The following ARMC9 variants were observed in gnomAD, a reference collection of about 807,000 sequenced individuals.
ARMC9 encodes the protein lisH domain-containing protein ARMC9.
ARMC9 carries 94 observed loss-of-function variants against 107.0 expected under a neutral mutation model. The observed-to-expected ratio is 0.88, with a 90% CI of 0.74 to 1.04. The LOEUF is 1.04. Among genes scored for constraint, ARMC9 ranks in the 50% least tolerant of loss-of-function variants. The pLI, the probability that ARMC9 is intolerant of heterozygous loss-of-function variation, is 0.00. For synonymous variants in ARMC9, 380 were observed against 396.9 expected, an observed-to-expected ratio of 0.96 and a Z score of 0.51; for missense variants, 942 against 1,030.1, an observed-to-expected ratio of 0.91 and a Z score of 1.17.
chr2:231,317,714 C>G (rs2042780753), intron 19 of ARMC9, among the ~76,000 whole-genome samples: 1 of 152,056 alleles, frequency 6.6e-6, no homozygotes, highest in Admixed American at 6.6e-5. Context: ...GAGCTGGATA[C>G]TTTCTGTTGA....
intron 13 of ARMC9, among the ~76,000 whole-genome samples, chr2:231,271,667 T>C (rs2039339180): frequency 6.6e-6 from 1 of 152,232 alleles, no homozygotes; most frequent in Admixed American, 6.5e-5. Context: ...CAAAACTTTG[T>C]TCATTTGTTC....
rs763206451 is a variant in ARMC9 at position 231,282,148 on chromosome 2, C to T, written c.1626+15C>T. 3.1e-6 allele frequency: 5 copies of T among 1,613,292 alleles called. No homozygotes were observed. In the African/African-American group the frequency reaches 5.3e-5, roughly 17 times the overall value. On this transcript the variant is annotated intron_variant, in intron 17 of 24. Transcript: ENST00000611582. ...CAAGAGCAATGGTAAGAAAGCGTGC[C>T]TGAGAAACATGTGAGCTTCCTTTAG... is the stretch of plus-strand genomic sequence containing the variant.
chr2:231,274,653 C>A (rs2039613949), intron 14 of ARMC9, among the ~76,000 whole-genome samples: 1 of 152,098 alleles, frequency 6.6e-6, no homozygotes, highest in African/African-American at 2.4e-5. Context: ...GAACTCTAGT[C>A]CCTGGAGTCT....
chr2:231,267,650 A>G (rs2038970274), intron 12 of ARMC9, among the ~76,000 whole-genome samples: 2 of 152,310 alleles, frequency 1.3e-5, no homozygotes, highest in African/African-American at 4.8e-5. Context: ...TGTGGGAGTA[A>G]AAAACTGTTC....
At position 231,362,137 on chromosome 2, in the gene ARMC9, C is replaced by T. The variant is rs530617367; in HGVS notation, c.2261+1254C>T. ...CTCCTCCAGTTCCACTGCCAACCTGCCTGGGGACCCAGGGACCTACCTCCC... is the reference window on the plus strand; with the variant it reads ...CTCCTCCAGTTCCACTGCCAACCTGTCTGGGGACCCAGGGACCTACCTCCC... On this transcript the variant is annotated intron_variant, in intron 23 of 24. Coordinates refer to ENST00000611582, the MANE Select transcript of ARMC9 (RefSeq NM_001352754.2). The surrounding 1 kb of genome is among the most constrained non-coding windows in gnomAD (Gnocchi z 4.7). Among the ~76,000 whole-genome samples, 20 of 152,246 alleles carry T rather than the reference C, an allele frequency of 1.3e-4. No individual in the cohort carries two copies. The highest frequency in any genetic ancestry group is 4.6e-4 in the African/African-American group (19 of 41,544).
intron 13 of ARMC9, among the ~76,000 whole-genome samples, chr2:231,272,130 A>G (rs1026006386): frequency 6.7e-5 from 10 of 149,802 alleles, no homozygotes; most frequent in African/African-American, 2.5e-4. Flanking sequence ...TAGAAGAAAT[A>G]TCTTTTAATA....
intron 9 of ARMC9, among the ~76,000 whole-genome samples, chr2:231,244,015 G>A (rs552157335): frequency 3.9e-5 from 6 of 152,294 alleles, no homozygotes; most frequent in East Asian, 1.9e-4. Flanking sequence ...ACAGATCAGC[G>A]TCCTTCATAG....
intron 19 of ARMC9, among the ~76,000 whole-genome samples, chr2:231,299,610 C>T (rs1400903449): frequency 6.6e-6 from 1 of 152,104 alleles, no homozygotes; most frequent in Admixed American, 6.5e-5. Context: ...TGCTCCTCGC[C>T]CAGTCTGGCT....
rs12612801 is a variant in ARMC9, at chr2:231,255,766, A to T, written c.880-820A>T. ...AACTTTGCACATCTGGGCCAGGCGC[A>T]GTGGCTCACGCCTGTAATCCCAACA... On this transcript the variant is annotated intron_variant, in intron 9 of 24. Coordinates refer to ENST00000611582, the MANE Select transcript of ARMC9 (RefSeq NM_001352754.2). The surrounding 1 kb of genome is among the most constrained non-coding windows in gnomAD (Gnocchi z 4.7). Among the ~76,000 whole-genome samples, 1 of 151,852 alleles carries T rather than the reference A, an allele frequency of 6.6e-6. No individual in the cohort carries two copies. Among genetic ancestry groups the T allele is most frequent in the Non-Finnish European group, 1.5e-5 (1 of 67,966 alleles).
chr2:231,239,824 CTCA>C, intron 8 of ARMC9, 116 bp from the exon 9 acceptor site: 4 of 796,736 alleles, frequency 5.0e-6, no homozygotes, highest in Non-Finnish European at 8.5e-6. Context: ...GCTTACATAC[CTCA>C]TCATCATGCC....
At chr2:231,265,989 C>T (rs112176007) in intron 12 of ARMC9, among the ~76,000 whole-genome samples, 4 of 144,928 alleles carry the variant, frequency 2.8e-5, no homozygotes, top group African/African-American at 5.2e-5. Context: ...CAGACTGAGA[C>T]GCCATCTAAA....
chr2:231,295,927 A>G, intron 18 of ARMC9: 1 of 300,242 alleles, frequency 3.3e-6, no homozygotes, highest in Non-Finnish European at 6.1e-6. Flanking sequence ...TTTTCCCTAA[A>G]TTCCCCTAAA....
rs2041446190 is a variant in ARMC9, at chr2:231,297,367, C to T, written c.1773+1114C>T. Among the ~76,000 whole-genome samples, 1 of 152,178 alleles carries T rather than the reference C, an allele frequency of 6.6e-6. No homozygotes were observed. The highest frequency in any genetic ancestry group is 1.5e-5 in the Non-Finnish European group (1 of 68,028). On this transcript the variant is annotated intron_variant, in intron 19 of 24. Transcript: ENST00000611582. This position sits in a 1 kb window ranked among gnomAD's most constrained non-coding sequence, Gnocchi z 4.2. ...GCAGAGGGAAAAACACCAGCTTGAG[C>T]TCACACAGAGAGTTGATGGTGGTAA...
chr2:231,226,100 AC>A (rs1390334665), intron 6 of ARMC9, among the ~76,000 whole-genome samples: 1 of 151,804 alleles, frequency 6.6e-6, no homozygotes, highest in African/African-American at 2.4e-5. Context: ...CAGGTAATCC[AC>A]CCGCCTCAGC....
chr2:231,318,709 A>T (rs1435330699), intron 19 of ARMC9, among the ~76,000 whole-genome samples: 3 of 152,206 alleles, frequency 2.0e-5, no homozygotes, highest in Non-Finnish European at 4.4e-5. Flanking sequence ...GTTGCCTGCC[A>T]TTGGTCATTT....
chr2:231,321,761 A>C (rs2043007636), intron 19 of ARMC9, among the ~76,000 whole-genome samples: 1 of 151,970 alleles, frequency 6.6e-6, no homozygotes, highest in Admixed American at 6.6e-5. Context: ...CCTCTTCTCC[A>C]TGTGAAGCGC....
chr2:231,300,120 C>G (rs1407850777), intron 19 of ARMC9, among the ~76,000 whole-genome samples: 1 of 152,146 alleles, frequency 6.6e-6, no homozygotes, highest in Non-Finnish European at 1.5e-5. Flanking sequence ...TGTATGGCTT[C>G]CTTAAGTAGA....
intron 12 of ARMC9, among the ~76,000 whole-genome samples, chr2:231,267,995 T>C (rs1010075937): frequency 6.6e-6 from 1 of 152,142 alleles, no homozygotes; most frequent in Non-Finnish European, 1.5e-5. Context: ...TGAATACCTG[T>C]GATGTATTTG....
At chr2:231,225,296 A>G (rs1386923495) in intron 6 of ARMC9, among the ~76,000 whole-genome samples, 2 of 152,228 alleles carry the variant, frequency 1.3e-5, no homozygotes, top group Admixed American at 6.5e-5. Flanking sequence ...TTAAACGTAG[A>G]GTTACCACAT....
Sources: gnomAD v4.1 joint callset for allele counts (sites outside exome capture counted in the v4.1 genomes callset) on GRCh38, gnomAD v4.1.1 for gene constraint, Gnocchi (gnomAD v3.1) non-coding constraint, MANE v1.5 for transcripts, NCBI Gene and HGNC (gene_info 2026-07-23, HGNC 2026-07-21) for gene names.